The following FCHO1 variants were observed in gnomAD, a reference collection of about 807,000 sequenced individuals.
FCHO1 encodes the protein FCH and mu domain containing endocytic adaptor 1.
FCHO1 carries 45 observed loss-of-function variants against 114.4 expected under a neutral mutation model. The ratio of observed to expected loss-of-function variants is 0.39; its 90% CI spans 0.31 to 0.50. The LOEUF is 0.50. Ranked by LOEUF, FCHO1 falls within the 20% of genes least tolerant of loss-of-function variation. The pLI is 0.77. For missense variants in FCHO1, 1,042 were observed against 1,209.6 expected, an observed-to-expected ratio of 0.86 and a Z score of 2.06; for synonymous variants, 480 against 488.9, an observed-to-expected ratio of 0.98 and a Z score of 0.24.
At chr19:17,781,570 G>A in intron 22 of FCHO1, 31 bp downstream of exon 22, 1 of 1,609,518 alleles carries the variant, frequency 6.2e-7, no homozygotes, top group Non-Finnish European at 8.5e-7. Flanking sequence ...GCCTGGCTTT[G>A]GGCCTCAGTG....
intron 4 of FCHO1, among the ~76,000 whole-genome samples, chr19:17,759,511 C>G (rs1208056639): frequency 6.6e-6 from 1 of 151,914 alleles, no homozygotes; most frequent in East Asian, 1.9e-4. Context: ...GCATGAGACA[C>G]CACACCCATC....
In FCHO1 at chr19:17,783,014, T is replaced by C. The variant is rs779107791; in HGVS notation, c.1938-3T>C. 6.2e-7 allele frequency: 1 copy of C among 1,613,962 alleles called. No individual in the cohort carries two copies. Among genetic ancestry groups the C allele is most frequent in the South Asian group, 1.1e-5 (1 of 91,066 alleles). ...CAACACCCAGTCCCCTCATCCTCCC[T>C]AGCTGCCTGGCTCGAGTAACTGGGG... On this transcript the variant is annotated splice_polypyrimidine_tract_variant and splice_region_variant and intron_variant, in intron 23 of 28. Transcript: ENST00000596536.
rs1404583549 is a variant in FCHO1, at chr19:17,781,267, A to T, written c.1664A>T (p.Glu555Val). 1 of 1,613,862 alleles carries T rather than the reference A, an allele frequency of 6.2e-7. No homozygotes were observed. The highest frequency in any genetic ancestry group is 1.3e-5 in the African/African-American group (1 of 75,014). ...GCACCTGCTGACCCCACAGCCAGGG[A>T]GGGCCTGGCAGCCCCACCCAGGAGA... is the stretch of plus-strand genomic sequence containing the variant. Reference protein sequence around the residue: ...MPAPADPTAREGLAAPPRRLR... With the variant: ...MPAPADPTARVGLAAPPRRLR... The change falls in exon 21 of 29, where the codon GAG becomes GTG. Residue 555 changes from glutamate to valine, a missense_variant. Transcript: ENST00000596536.
intron 7 of FCHO1, 103 bp from the exon 8 acceptor site, chr19:17,770,318 AACAC>A (rs200187010): frequency 1.3e-5 from 16 of 1,208,780 alleles, no homozygotes; most frequent in Non-Finnish European, 1.7e-5. Context: ...ACCAAACCAA[AACAC>A]ACACACACAC....
At chr19:17,779,741 G>A (rs2093166671) in intron 20 of FCHO1, among the ~76,000 whole-genome samples, 1 of 147,780 alleles carries the variant, frequency 6.8e-6, no homozygotes, top group Non-Finnish European at 1.5e-5. Flanking sequence ...AGGAGGATGG[G>A]GAAGGGGTGG....
At position 17,787,693 on chromosome 19, in the gene FCHO1, C is replaced by G; in HGVS notation, c.2494C>G (p.Leu832Val). 1 of 1,560,390 alleles carries G rather than the reference C, an allele frequency of 6.4e-7. No individual in the cohort carries two copies. Residue 832 changes from leucine to valine, a missense_variant, in exon 28 of 29, where the codon CTC becomes GTC. This residue lies in a region of FCHO1 where 137 missense variants were observed against 190.0 expected (regional missense o/e 0.72). Transcript: ENST00000596536. ...GCAGGTCTCCCCAGGTTCTGGCCGC[C>G]TCTCTGCCAGCTGGGAGCCGCTCTC... The part of the protein sequence containing the change: ...DVSEAGGSGR[L>V]SASWEPLSGP...
rs373101552 is a variant in FCHO1 at position 17,762,308 on chromosome 19, A to T, written c.28-454A>T. On this transcript the variant is annotated intron_variant, in intron 4 of 28. Transcript: ENST00000596536. The stretch of plus-strand genomic sequence containing the variant: ...GCTCAACACACTTTTTTTTTTTTTT[A>T]AATATAAAAGCCCTCTGGTTCAGCT... 2.7e-3 allele frequency among the ~76,000 whole-genome samples: 318 copies of T among 118,414 alleles called. 4 individuals carry two copies. The East Asian group carries it at 0.04, about 15-fold the overall frequency. The allele number at this position is 118,414 out of a possible 152,430, so 77.7% of individuals were successfully genotyped here.
chr19:17,762,951 C>T, intron 5 of FCHO1, 98 bp downstream of exon 5: 1 of 818,928 alleles, frequency 1.2e-6, no homozygotes, highest in Non-Finnish European at 2.0e-6. Context: ...GGCTAGAACC[C>T]TGGGGATTCC....
At chr19:17,787,874 C>T in intron 28 of FCHO1, 28 bp downstream of exon 28, 2 of 1,602,014 alleles carry the variant, frequency 1.2e-6, no homozygotes, top group Admixed American at 1.7e-5. Flanking sequence ...TGCTGGGTGA[C>T]CTCAGGAGCC....
chr19:17,776,156 C>A lies in FCHO1; in HGVS notation c.1177C>A (p.Pro393Thr). The change falls in exon 16 of 29, where the codon CCA becomes ACA. Residue 393 changes from proline (P) to threonine (T), a missense_variant. This residue lies in a region of FCHO1 where 450 missense variants were observed against 564.1 expected (regional missense o/e 0.80). Coordinates refer to ENST00000596536, the MANE Select transcript of FCHO1 (RefSeq NM_015122.3). This position sits in a 1 kb window ranked among gnomAD's most constrained non-coding sequence, Gnocchi z 4.4. ...GGGCAGCCTCATCCTTCCTCCTGGC[C>A]CAGGGGTGAGGCGTGGGAGGGGTGC... Reference protein sequence around the residue: ...TAGSLILPPGPGGTMKRHSSR... With the variant: ...TAGSLILPPGTGGTMKRHSSR... The A allele has an allele frequency of 6.2e-7, 1 of 1,613,862 alleles. No homozygotes were observed. The highest frequency in any genetic ancestry group is 8.5e-7 in the Non-Finnish European group (1 of 1,179,898).
intron 7 of FCHO1, 60 bp downstream of exon 7, chr19:17,766,870 G>T (rs1265411032): frequency 6.4e-7 from 1 of 1,568,196 alleles, no homozygotes; most frequent in Non-Finnish European, 8.7e-7. Context: ...CAGCTCACAG[G>T]ACCCCAGATC....
chr19:17,760,462 C>A (rs1190375212), intron 4 of FCHO1, among the ~76,000 whole-genome samples: 1 of 152,154 alleles, frequency 6.6e-6, no homozygotes, highest in African/African-American at 2.4e-5. Context: ...TTTCCTACTC[C>A]TTTCATGCGG....
At chr19:17,766,863 C>G (rs896366737) in intron 7 of FCHO1, 53 bp downstream of exon 7, 1 of 1,579,078 alleles carries the variant, frequency 6.3e-7, no homozygotes, top group Non-Finnish European at 8.7e-7. Flanking sequence ...ACACCGGCAG[C>G]TCACAGGACC....
chr19:17,761,412 T>TA (rs1318938171), intron 4 of FCHO1, among the ~76,000 whole-genome samples: 1 of 151,552 alleles, frequency 6.6e-6, no homozygotes, highest in Non-Finnish European at 1.5e-5. Context: ...TTTTTTTTTT[T>TA]TGTAGCTAGT....
intron 6 of FCHO1, among the ~76,000 whole-genome samples, chr19:17,765,041 G>A (rs2146686707): frequency 6.8e-6 from 1 of 146,880 alleles, no homozygotes; most frequent in African/African-American, 2.5e-5. Flanking sequence ...TCCAGCCTGG[G>A]CAATAAGAGC....
chr19:17,778,594 G>A lies in FCHO1; in HGVS notation c.1352-15G>A, dbSNP rs1262492199. ...GGGCGAGGGTCGGAGCTGACCGCCC[G>A]CTTCCCTCCCCAAGGCTCTAGCAGC... is the stretch of plus-strand genomic sequence containing the variant. On this transcript the variant is annotated splice_polypyrimidine_tract_variant and intron_variant, in intron 19 of 28. Coordinates refer to ENST00000596536, the MANE Select transcript of FCHO1 (RefSeq NM_015122.3). The A allele has an allele frequency of 6.5e-7, 1 of 1,526,932 alleles. No homozygotes were observed. The highest frequency in any genetic ancestry group is 8.8e-7 in the Non-Finnish European group (1 of 1,134,196). 94.6% of individuals were successfully genotyped at this position (1,526,932 alleles called of 1,614,324 possible).
At chr19:17,779,740 G>A (rs1240567426) in intron 20 of FCHO1, among the ~76,000 whole-genome samples, 3 of 147,602 alleles carry the variant, frequency 2.0e-5, no homozygotes, top group East Asian at 4.1e-4. Context: ...GAGGAGGATG[G>A]GGAAGGGGTG....
At chr19:17,769,620 CACACACACACACAA>C (rs1555722594) in intron 7 of FCHO1, among the ~76,000 whole-genome samples, 1 of 122,042 alleles carries the variant, frequency 8.2e-6, no homozygotes, top group African/African-American at 2.9e-5. Flanking sequence ...CACACACACA[CACACACACACACAA>C]AACGGTGAGT....
intron 4 of FCHO1, among the ~76,000 whole-genome samples, chr19:17,756,895 G>T (rs929410549): frequency 1.3e-5 from 2 of 152,048 alleles, no homozygotes; most frequent in Non-Finnish European, 2.9e-5. Context: ...CTGTTACAAA[G>T]ACCACACTCT....
Sources: allele counts gnomAD v4.1 joint callset (sites outside exome capture counted in the v4.1 genomes callset), GRCh38; gene constraint gnomAD v4.1.1; regional missense constraint gnomAD v4.1.1; non-coding constraint Gnocchi (gnomAD v3.1); transcripts MANE v1.5; gene names NCBI Gene and HGNC (gene_info 2026-07-23, HGNC 2026-07-21).